The following EXOC4 variants were observed in gnomAD, a reference collection of about 807,000 sequenced individuals.
EXOC4 encodes SEC8-like 1.
In EXOC4, 71 loss-of-function variants were observed where a neutral mutation model predicts 107.2. The ratio of observed to expected loss-of-function variants is 0.66; its 90% CI spans 0.55 to 0.81. The LOEUF is 0.81. Among genes scored for constraint, EXOC4 ranks in the 30% least tolerant of loss-of-function variants. The probability of loss-of-function intolerance (pLI) is 0.00; values close to 1 mark genes in which losing one functional copy is unlikely to be tolerated. For synonymous variants in EXOC4, 456 were observed against 441.2 expected, an observed-to-expected ratio of 1.03 and a Z score of -0.42; for missense variants, 1,108 against 1,189.6, an observed-to-expected ratio of 0.93 and a Z score of 1.01.
intron 5 of EXOC4, among the ~76,000 whole-genome samples, chr7:133,339,999 A>C (rs1488339046): frequency 6.6e-6 from 1 of 151,976 alleles, no homozygotes; most frequent in Admixed American, 6.6e-5. Context: ...GATGCCCTTT[A>C]TTTCTTTTTC....
At chr7:133,627,847 C>G (rs560918443) in intron 9 of EXOC4, among the ~76,000 whole-genome samples, 32 of 151,970 alleles carry the variant, frequency 2.1e-4, no homozygotes, top group Non-Finnish European at 3.1e-4. Context: ...TTTTGTTATT[C>G]TTAAGAAAAC....
intron 7 of EXOC4, among the ~76,000 whole-genome samples, chr7:133,387,808 T>C (rs2150710960): frequency 6.6e-6 from 1 of 152,256 alleles, no homozygotes; most frequent in South Asian, 2.1e-4. Context: ...GGACAAATGT[T>C]CAGTCTGAAC....
At chr7:133,536,433 A>G (rs1158740175) in intron 9 of EXOC4, among the ~76,000 whole-genome samples, 1 of 152,146 alleles carries the variant, frequency 6.6e-6, no homozygotes, top group African/African-American at 2.4e-5. Flanking sequence ...TGCTCTGATC[A>G]TACAAATAGT....
Position 133,809,432 on chromosome 7 carries a change from G to A in EXOC4, c.1515-7893G>A, listed in dbSNP as rs369891425. ...TGCAACTTTTCACATAGAAATCTTG[G>A]ACTAAAATGGAGATGAAAGAGTTCA... On this transcript the variant is annotated intron_variant, in intron 10 of 17. Transcript: ENST00000253861. Among the ~76,000 whole-genome samples the A allele has an allele frequency of 1.3e-5, 2 of 152,276 alleles. 1 individual carries two copies. The highest frequency in any genetic ancestry group is 4.1e-4 in the South Asian group (2 of 4,830).
chr7:133,951,670 G>A (rs931622823), intron 14 of EXOC4, among the ~76,000 whole-genome samples: 2 of 152,096 alleles, frequency 1.3e-5, no homozygotes, highest in African/African-American at 2.4e-5. Context: ...TTGCTGTATT[G>A]CATTTGAAAT....
At chr7:133,529,747 G>T (rs941474431) in intron 9 of EXOC4, among the ~76,000 whole-genome samples, 1 of 152,042 alleles carries the variant, frequency 6.6e-6, no homozygotes, top group African/African-American at 2.4e-5. Flanking sequence ...ATTATTTAGG[G>T]CAAAAAGAAA....
At chr7:133,677,451 G>A (rs1393261751) in intron 10 of EXOC4, among the ~76,000 whole-genome samples, 1 of 151,758 alleles carries the variant, frequency 6.6e-6, no homozygotes, top group African/African-American at 2.4e-5. Flanking sequence ...AATATATTGT[G>A]TACACTTAAA....
intron 10 of EXOC4, among the ~76,000 whole-genome samples, chr7:133,816,541 T>A (rs1797373514): frequency 6.6e-6 from 1 of 152,152 alleles, no homozygotes; most frequent in East Asian, 1.9e-4. Context: ...TCATCATGAA[T>A]TTTAGAGTAT....
chr7:133,405,821 C>G (rs1563053683), intron 7 of EXOC4, among the ~76,000 whole-genome samples: 1 of 152,182 alleles, frequency 6.6e-6, no homozygotes, highest in Non-Finnish European at 1.5e-5. Flanking sequence ...CTGTCTTGCT[C>G]TCTCTCAAAA....
In EXOC4 at chr7:133,263,322, ATT is replaced by A. The variant is rs527368364; in HGVS notation, c.86+10143_86+10144del. Among the ~76,000 whole-genome samples, 164 of 148,762 alleles carry A rather than the reference ATT, an allele frequency of 1.1e-3. 1 individual carries two copies. The South Asian group carries it at 0.034, about 31-fold the overall frequency. On this transcript the variant is annotated intron_variant, in intron 1 of 17. Transcript: ENST00000253861. Reference sequence around the variant, plus strand: ...CAAGAAGCCAATTGTAATTGTTAAAATTTTTTTTTCTGAGATAAACATTATAT... The same window carrying A: ...CAAGAAGCCAATTGTAATTGTTAAAATTTTTTTCTGAGATAAACATTATAT...
At chr7:133,705,108 A>G (rs1016248123) in intron 10 of EXOC4, among the ~76,000 whole-genome samples, 24 of 152,168 alleles carry the variant, frequency 1.6e-4, no homozygotes, top group African/African-American at 5.5e-4. Flanking sequence ...TCATGCCTGT[A>G]GTCCAAGCAC....
chr7:133,869,709 G>A (rs185623943), intron 11 of EXOC4, among the ~76,000 whole-genome samples: 1 of 152,142 alleles, frequency 6.6e-6, no homozygotes, highest in Non-Finnish European at 1.5e-5. Context: ...GAATCATGTG[G>A]CAGGAAGTTC....
At chr7:133,540,273 A>G (rs1174459604) in intron 9 of EXOC4, among the ~76,000 whole-genome samples, 4 of 152,218 alleles carry the variant, frequency 2.6e-5, no homozygotes, top group Non-Finnish European at 5.9e-5. Flanking sequence ...TACCATCTAA[A>G]TGTTGCCACT....
At chr7:133,261,968 TC>T (rs774303410) in intron 1 of EXOC4, among the ~76,000 whole-genome samples, 17 of 152,132 alleles carry the variant, frequency 1.1e-4, no homozygotes, top group Non-Finnish European at 2.1e-4. Flanking sequence ...TCTGCAGACT[TC>T]CGTGTGCTGC....
At chr7:133,759,322 T>C (rs1275749818) in intron 10 of EXOC4, among the ~76,000 whole-genome samples, 1 of 152,148 alleles carries the variant, frequency 6.6e-6, no homozygotes, top group Non-Finnish European at 1.5e-5. Flanking sequence ...TAAGATATTA[T>C]TTCTCTGAGC....
chr7:133,960,322 T>C (rs1052541596), intron 14 of EXOC4, among the ~76,000 whole-genome samples: 2 of 152,234 alleles, frequency 1.3e-5, no homozygotes, highest in African/African-American at 4.8e-5. Flanking sequence ...TTTTTGGTTA[T>C]GTCCTTTCCT....
intron 9 of EXOC4, among the ~76,000 whole-genome samples, chr7:133,498,960 A>G (rs1277970004): frequency 6.6e-6 from 1 of 152,166 alleles, no homozygotes; most frequent in East Asian, 1.9e-4. Context: ...AATTAATGCC[A>G]TCTTTAAGAT....
chr7:133,770,029 A>G lies in EXOC4; in HGVS notation c.1515-47296A>G, dbSNP rs920055013. 6.6e-5 allele frequency among the ~76,000 whole-genome samples: 10 copies of G among 151,922 alleles called. No homozygotes were observed. The East Asian group carries it at 7.7e-4, about 12-fold the overall frequency. On this transcript the variant is annotated intron_variant, in intron 10 of 17. Transcript: ENST00000253861. ...TAGGAAAGAGTAGATCATTGCTTCA[A>G]TAAACTTGCCAAAATCAACATGTGT...
At chr7:133,669,283 C>T (rs1473850008) in intron 10 of EXOC4, among the ~76,000 whole-genome samples, 2 of 151,924 alleles carry the variant, frequency 1.3e-5, no homozygotes, top group South Asian at 2.1e-4. Context: ...AAAAGGAGCT[C>T]CTATGGCCTG....
Sources: allele counts gnomAD v4.1 joint callset (sites outside exome capture counted in the v4.1 genomes callset), GRCh38; gene constraint gnomAD v4.1.1; transcripts MANE v1.5; gene names NCBI Gene and HGNC (gene_info 2026-07-23, HGNC 2026-07-21).